Variants in ADAM22 observed in about 807,000 individuals in gnomAD.
ADAM22 encodes disintegrin and metalloproteinase domain-containing protein 22.
In ADAM22, 65 loss-of-function variants were observed where a neutral mutation model predicts 144.6. The ratio of observed to expected loss-of-function variants is 0.45; its 90% CI spans 0.37 to 0.55. ADAM22 has a LOEUF of 0.55. ADAM22 is among the 20% of genes least tolerant of loss of function. ADAM22 has a pLI of 0.00. For synonymous variants in ADAM22, 391 were observed against 412.6 expected, an observed-to-expected ratio of 0.95 and a Z score of 0.63; for missense variants, 974 against 1,184.9, an observed-to-expected ratio of 0.82 and a Z score of 2.61.
intron 4 of ADAM22, among the ~76,000 whole-genome samples, chr7:88,078,944 C>T (rs1385231869): frequency 6.6e-6 from 1 of 152,178 alleles, no homozygotes; most frequent in East Asian, 1.9e-4. Context: ...TCCAGGAGAA[C>T]TTCCCAATCT....
intron 3 of ADAM22, among the ~76,000 whole-genome samples, chr7:88,007,739 A>G (rs1054480464): frequency 1.3e-5 from 2 of 152,196 alleles, no homozygotes; most frequent in African/African-American, 4.8e-5. Flanking sequence ...ACCTTATATA[A>G]AAATTAATTC....
At chr7:88,173,933 GC>G (rs1386395636) in intron 26 of ADAM22, among the ~76,000 whole-genome samples, 1 of 152,162 alleles carries the variant, frequency 6.6e-6, no homozygotes, top group Non-Finnish European at 1.5e-5. Context: ...GAGGAAGGCA[GC>G]ATTCATTGAC....
intron 3 of ADAM22, among the ~76,000 whole-genome samples, chr7:88,018,961 C>T (rs2129464075): frequency 6.6e-6 from 1 of 151,934 alleles, no homozygotes; most frequent in East Asian, 1.9e-4. Context: ...AGCTCTATAG[C>T]TTTTTTGTAT....
Position 88,130,375 on chromosome 7 carries a change from C to A in ADAM22, c.754-13C>A, listed in dbSNP as rs371500948. On this transcript the variant is annotated splice_polypyrimidine_tract_variant and intron_variant, in intron 9 of 31. Coordinates refer to ENST00000413139, the MANE Select transcript of ADAM22 (RefSeq NM_001324418.2). The stretch of plus-strand genomic sequence containing the variant: ...ACTTTGCAAGACCTTCACTTGTTTT[C>A]TTTTGCTTTCAGTTTAAAAAACATC... The A allele has an allele frequency of 5.9e-5, 94 of 1,602,342 alleles. No homozygotes were observed. Among genetic ancestry groups the A allele is most frequent in the Non-Finnish European group, 7.8e-5 (91 of 1,173,852 alleles).
At chr7:88,076,185 C>A (rs932074612) in intron 4 of ADAM22, among the ~76,000 whole-genome samples, 3 of 151,932 alleles carry the variant, frequency 2.0e-5, no homozygotes, top group Non-Finnish European at 4.4e-5. Flanking sequence ...TTACAGGCGC[C>A]TGCCACCACA....
chr7:88,038,645 G>A (rs1802130094), intron 3 of ADAM22, among the ~76,000 whole-genome samples: 2 of 151,656 alleles, frequency 1.3e-5, no homozygotes, highest in Admixed American at 1.3e-4. Context: ...AGTAGAGACG[G>A]GGTTTCACCG....
chr7:88,010,741 C>A (rs541084686), intron 3 of ADAM22, among the ~76,000 whole-genome samples: 1 of 152,094 alleles, frequency 6.6e-6, no homozygotes, highest in South Asian at 2.1e-4. Flanking sequence ...AATAGAAGAG[C>A]AGGTCCCCCA....
chr7:87,948,239 A>G (rs1844194507), intron 2 of ADAM22, among the ~76,000 whole-genome samples: 1 of 152,176 alleles, frequency 6.6e-6, no homozygotes, highest in East Asian at 1.9e-4. Context: ...AAGTCTCTGA[A>G]AGGTTATTTA....
chr7:88,180,962 T>G (rs2129538016), intron 27 of ADAM22, among the ~76,000 whole-genome samples: 1 of 152,260 alleles, frequency 6.6e-6, no homozygotes, highest in Middle Eastern at 3.4e-3. Context: ...CTACACTTTT[T>G]TGGACCATAT....
intron 3 of ADAM22, among the ~76,000 whole-genome samples, chr7:88,004,752 G>T (rs1010443134): frequency 1.3e-5 from 2 of 152,130 alleles, no homozygotes; most frequent in African/African-American, 2.4e-5. Context: ...TGCACTCTAA[G>T]ATTTTATGGC....
intron 6 of ADAM22, 79 bp from the exon 7 acceptor site, chr7:88,116,665 AG>A: frequency 8.5e-7 from 1 of 1,183,042 alleles, no homozygotes; most frequent in East Asian, 2.4e-5. Context: ...GGTTCTTTTA[AG>A]GGTCTCCAGC....
intron 3 of ADAM22, among the ~76,000 whole-genome samples, chr7:88,058,624 AT>A (rs780215838): frequency 4.6e-5 from 7 of 152,184 alleles, no homozygotes; most frequent in African/African-American, 7.2e-5. Context: ...TGTTACATAG[AT>A]TAGTACTTGC....
intron 3 of ADAM22, among the ~76,000 whole-genome samples, chr7:88,062,217 C>T (rs531092189): frequency 6.7e-6 from 1 of 149,612 alleles, no homozygotes; most frequent in Non-Finnish European, 1.5e-5. Flanking sequence ...CATCTTCTTC[C>T]AATAAAAGGC....
At chr7:87,957,293 A>G (rs910495010) in intron 2 of ADAM22, among the ~76,000 whole-genome samples, 21 of 152,310 alleles carry the variant, frequency 1.4e-4, no homozygotes, top group African/African-American at 4.6e-4. Context: ...TATCAGTGAA[A>G]TTGACCATGT....
chr7:88,116,785 TTGAATTTTCCTTGGA>T lies in ADAM22; in HGVS notation c.582_596del (p.Glu194_Asp198del). 6.2e-7 allele frequency: 1 copy of T among 1,613,642 alleles called. No homozygotes were observed. Among genetic ancestry groups the T allele is most frequent in the Non-Finnish European group, 8.5e-7 (1 of 1,179,686 alleles). Reference sequence around the variant, plus strand: ...CATTCAGTTTACAAATCCAGACTGTTTGAATTTTCCTTGGATGATCTTCCATCTGGTATGATGTTC... The same window carrying T: ...CATTCAGTTTACAAATCCAGACTGTTTGATCTTCCATCTGGTATGATGTTC... On this transcript the variant is annotated inframe_deletion, in exon 7 of 32. Coordinates refer to ENST00000413139, the MANE Select transcript of ADAM22 (RefSeq NM_001324418.2).
chr7:88,199,198 C>T lies in ADAM22; in HGVS notation c.*2707C>T, dbSNP rs970631167. On this transcript the variant is annotated 3_prime_UTR_variant, in exon 32 of 32. Coordinates refer to ENST00000413139, the MANE Select transcript of ADAM22 (RefSeq NM_001324418.2). ...CTATTTTGGAGAGAAACTTTGAGGC[C>T]GTATCACAGTTTATATCATGCAACT... 1.3e-5 allele frequency: 2 copies of T among 152,110 alleles called. No homozygotes were observed. Among genetic ancestry groups the T allele is most frequent in the African/African-American group, 2.4e-5 (1 of 41,416 alleles). 9.4% of individuals were successfully genotyped at this position (152,110 alleles called of 1,614,324 possible). A position where few individuals can be genotyped will look rare whatever the true frequency, so the allele number is the denominator to read the frequency against.
intron 2 of ADAM22, among the ~76,000 whole-genome samples, chr7:87,977,228 A>G (rs113227512): frequency 1.3e-5 from 2 of 152,174 alleles, no homozygotes; most frequent in South Asian, 4.1e-4. Flanking sequence ...CTTTCTTTCC[A>G]AAAAGTCTTA....
At chr7:88,095,991 C>T (rs1215658735) in intron 4 of ADAM22, among the ~76,000 whole-genome samples, 1 of 133,338 alleles carries the variant, frequency 7.5e-6, no homozygotes, top group Non-Finnish European at 1.5e-5. Flanking sequence ...TGCAGTGGTG[C>T]GATCATAGCT....
In ADAM22 at chr7:88,061,666, T is replaced by G. The variant is rs571479183; in HGVS notation, c.324-13960T>G. On this transcript the variant is annotated intron_variant, in intron 3 of 31. Transcript: ENST00000413139. ...CAGTAAACCACATTGTCAAAAGATA[T>G]GCTGTCATCCAGGCTTTGTTGTTGC... 2.6e-5 allele frequency among the ~76,000 whole-genome samples: 4 copies of G among 152,108 alleles called. No individual in the cohort carries two copies. In the East Asian group the frequency reaches 7.7e-4, roughly 29 times the overall value.
Sources: allele counts gnomAD v4.1 joint callset (sites outside exome capture counted in the v4.1 genomes callset), GRCh38; gene constraint gnomAD v4.1.1; transcripts MANE v1.5; gene names NCBI Gene and HGNC (gene_info 2026-07-23, HGNC 2026-07-21).